The following CACNG3 variants were observed in gnomAD, a reference collection of about 807,000 sequenced individuals.
CACNG3 encodes calcium voltage-gated channel auxiliary subunit gamma 3.
CACNG3 carries 3 observed loss-of-function variants against 28.5 expected under a neutral mutation model. That is an observed-to-expected ratio of 0.11 (90% CI 0.05 to 0.27). The LOEUF (loss-of-function observed/expected upper bound fraction) is 0.27. Ranked by LOEUF, CACNG3 falls within the 10% of genes least tolerant of loss-of-function variation. The pLI, the probability that CACNG3 is intolerant of heterozygous loss-of-function variation, is 1.00. For synonymous variants in CACNG3, 174 were observed against 162.2 expected, an observed-to-expected ratio of 1.07 and a Z score of -0.55; for missense variants, 236 against 414.4, an observed-to-expected ratio of 0.57 and a Z score of 3.74.
At chr16:24,358,912 A>G (rs1900070287) in intron 3 of CACNG3, among the ~76,000 whole-genome samples, 1 of 152,174 alleles carries the variant, frequency 6.6e-6, no homozygotes, top group Non-Finnish European at 1.5e-5. Flanking sequence ...GCCTGCTGCA[A>G]TGATTACTAG....
chr16:24,346,879 G>A, intron 2 of CACNG3, 62 bp downstream of exon 2: 18 of 1,323,884 alleles, frequency 1.4e-5, no homozygotes, highest in South Asian at 5.9e-5. Flanking sequence ...CCATCACTCA[G>A]CTGCCTCTGA....
At chr16:24,294,858 A>G (rs546631855) in intron 1 of CACNG3, among the ~76,000 whole-genome samples, 2 of 152,362 alleles carry the variant, frequency 1.3e-5, no homozygotes, top group East Asian at 3.9e-4. Flanking sequence ...TAGAGCTACT[A>G]TGAGAATTAA....
chr16:24,289,411 GC>G (rs879542618), intron 1 of CACNG3, among the ~76,000 whole-genome samples: 3 of 152,148 alleles, frequency 2.0e-5, no homozygotes, highest in Non-Finnish European at 2.9e-5. Context: ...CATTTTGTAG[GC>G]TTTTATAATT....
rs1202219518 is a variant in CACNG3, at chr16:24,317,554, AAAAGAAAGAAAGAAAGAAAGAAAG to A, written c.212-29130_212-29107del. On this transcript the variant is annotated intron_variant, in intron 1 of 3. Coordinates refer to ENST00000005284, the MANE Select transcript of CACNG3 (RefSeq NM_006539.4). ...GATTCTGTCTCAAAAAAAAAAAAGA[AAAAGAAAGAAAGAAAGAAAGAAAG>A]AAAGAAAGAAAGAAAGAAAGAAAGA... is the stretch of plus-strand genomic sequence containing the variant. Among the ~76,000 whole-genome samples, 258 of 85,332 alleles carry A rather than the reference AAAAGAAAGAAAGAAAGAAAGAAAG, an allele frequency of 3.0e-3. 5 individuals are homozygous for A. The highest frequency in any genetic ancestry group is 9.6e-3 in the African/African-American group (211 of 21,892). 56.0% of individuals were successfully genotyped at this position (85,332 alleles called of 152,430 possible).
rs549649846 is a variant in CACNG3 at position 24,356,759 on chromosome 16, G to A, written c.436+1786G>A. ...AGCTGCATGGGGTTTGCTGGAAGGA[G>A]ACTGTATTAGTTTGTTCTCACACTG... On this transcript the variant is annotated intron_variant, in intron 3 of 3. Coordinates refer to ENST00000005284, the MANE Select transcript of CACNG3 (RefSeq NM_006539.4). 2.0e-5 allele frequency among the ~76,000 whole-genome samples: 3 copies of A among 152,278 alleles called. No individual in the cohort carries two copies. The East Asian group carries it at 5.8e-4, about 29-fold the overall frequency.
At chr16:24,261,564 T>A (rs1444287695) in intron 1 of CACNG3, among the ~76,000 whole-genome samples, 1 of 152,240 alleles carries the variant, frequency 6.6e-6, no homozygotes, top group Non-Finnish European at 1.5e-5. Context: ...CCTTGTAAAT[T>A]ACCTAAATAG....
chr16:24,263,976 G>C (rs1898565885), intron 1 of CACNG3, among the ~76,000 whole-genome samples: 1 of 152,246 alleles, frequency 6.6e-6, no homozygotes, highest in African/African-American at 2.4e-5. Flanking sequence ...TGCTTAAGCA[G>C]CATGGCTGCT....
intron 1 of CACNG3, among the ~76,000 whole-genome samples, chr16:24,317,614 GA>G (rs761954538): frequency 3.0e-5 from 2 of 66,010 alleles, no homozygotes; most frequent in Non-Finnish European, 5.9e-5. Flanking sequence ...AAGAAAGAAA[GA>G]AAGAAAGAAA....
At chr16:24,307,569 A>C (rs886418610) in intron 1 of CACNG3, among the ~76,000 whole-genome samples, 4 of 152,116 alleles carry the variant, frequency 2.6e-5, no homozygotes, top group African/African-American at 9.7e-5. Context: ...AGTCCATCCC[A>C]AAAAACCTCT....
At chr16:24,263,463 T>C (rs961070985) in intron 1 of CACNG3, among the ~76,000 whole-genome samples, 8 of 152,344 alleles carry the variant, frequency 5.3e-5, no homozygotes, top group Admixed American at 1.3e-4. Flanking sequence ...AACAGAACTG[T>C]AGAAAACCCC....
chr16:24,280,424 C>T lies in CACNG3; in HGVS notation c.211+23459C>T, dbSNP rs111268133. Among the ~76,000 whole-genome samples, 160 of 152,276 alleles carry T rather than the reference C, an allele frequency of 1.1e-3. 2 individuals carry two copies. In the South Asian group the frequency reaches 0.019, roughly 18 times the overall value. ...GGCAATGTTGTTTTCGTCCTTAAAA[C>T]GCCCATCATTCGGATGAAGGATCGT... is the stretch of plus-strand genomic sequence containing the variant. On this transcript the variant is annotated intron_variant, in intron 1 of 3. Transcript: ENST00000005284.
chr16:24,298,406 CAT>C (rs993067995), intron 1 of CACNG3, among the ~76,000 whole-genome samples: 2 of 152,212 alleles, frequency 1.3e-5, no homozygotes, highest in Admixed American at 6.5e-5. Flanking sequence ...CACACACACA[CAT>C]ACATCACTGT....
At chr16:24,339,658 T>C (rs1899757580) in intron 1 of CACNG3, among the ~76,000 whole-genome samples, 1 of 152,228 alleles carries the variant, frequency 6.6e-6, no homozygotes, top group Non-Finnish European at 1.5e-5. Context: ...AGTGCTAGAA[T>C]TACAGGCGTG....
chr16:24,305,719 G>A (rs1184602838), intron 1 of CACNG3, among the ~76,000 whole-genome samples: 4 of 151,938 alleles, frequency 2.6e-5, no homozygotes, highest in Non-Finnish European at 5.9e-5. Flanking sequence ...CCTAGATAAC[G>A]GGTTGATAGG....
At chr16:24,293,779 A>G (rs1349819077) in intron 1 of CACNG3, among the ~76,000 whole-genome samples, 2 of 152,112 alleles carry the variant, frequency 1.3e-5, no homozygotes, top group Admixed American at 1.3e-4. Flanking sequence ...AGAGAGGCAA[A>G]TCTATCTGCC....
At chr16:24,295,031 G>A (rs1899013269) in intron 1 of CACNG3, among the ~76,000 whole-genome samples, 1 of 152,182 alleles carries the variant, frequency 6.6e-6, no homozygotes, top group Non-Finnish European at 1.5e-5. Context: ...GGGGAGGACA[G>A]CCTACCACTG....
intron 1 of CACNG3, among the ~76,000 whole-genome samples, chr16:24,303,400 G>A (rs1011349075): frequency 1.3e-4 from 19 of 151,796 alleles, no homozygotes; most frequent in Non-Finnish European, 1.5e-5. Flanking sequence ...GTGTTGCCTA[G>A]GCTGGTCTTG....
intron 1 of CACNG3, among the ~76,000 whole-genome samples, chr16:24,335,144 G>T (rs1596647034): frequency 6.6e-6 from 1 of 152,180 alleles, no homozygotes; most frequent in Admixed American, 6.5e-5. Flanking sequence ...ATTGGGCCAG[G>T]CACAGTGGCT....
intron 1 of CACNG3, among the ~76,000 whole-genome samples, chr16:24,264,299 T>C (rs933781817): frequency 6.6e-6 from 1 of 152,224 alleles, no homozygotes; most frequent in Admixed American, 6.5e-5. Context: ...CCGAACTGAC[T>C]CTATCCAAAG....
Sources: allele counts gnomAD v4.1 joint callset (sites outside exome capture counted in the v4.1 genomes callset), GRCh38; gene constraint gnomAD v4.1.1; transcripts MANE v1.5; gene names NCBI Gene and HGNC (gene_info 2026-07-23, HGNC 2026-07-21).